Variants in EHBP1 observed in about 807,000 individuals in gnomAD.
EHBP1 encodes EH domain binding protein 1, also known as EH domain-binding protein 1.
A neutral mutation model predicts 144.0 loss-of-function variants in EHBP1; 55 were observed. That is an observed-to-expected ratio of 0.38 (90% CI 0.31 to 0.48). The LOEUF is 0.48. Among genes scored for constraint, EHBP1 ranks in the 20% least tolerant of loss-of-function variants. The probability of loss-of-function intolerance (pLI) is 0.98; values close to 1 mark genes in which losing one functional copy is unlikely to be tolerated. For synonymous variants in EHBP1, 469 were observed against 472.7 expected (o/e 0.99, Z 0.10); for missense variants, 1,200 against 1,364.2 (o/e 0.88, Z 1.90).
intron 10 of EHBP1, among the ~76,000 whole-genome samples, chr2:62,903,568 C>T (rs2053573097): frequency 6.6e-6 from 1 of 152,106 alleles, no homozygotes; most frequent in South Asian, 2.1e-4. Context: ...TTTGACTCCA[C>T]CTTGGGCAAC....
At chr2:62,839,248 T>G (rs1412344387) in intron 7 of EHBP1, among the ~76,000 whole-genome samples, 7 of 152,148 alleles carry the variant, frequency 4.6e-5, no homozygotes, top group African/African-American at 1.7e-4. Flanking sequence ...AACCCCATGA[T>G]TATCTCAATA....
chr2:62,761,812 C>G (rs2152309078), intron 3 of EHBP1, among the ~76,000 whole-genome samples: 1 of 152,242 alleles, frequency 6.6e-6, no homozygotes, highest in South Asian at 2.1e-4. Context: ...AAATATTTTT[C>G]TCTTCTTAAA....
At chr2:63,007,267 T>C (rs565470121) in intron 19 of EHBP1, among the ~76,000 whole-genome samples, 23 of 151,998 alleles carry the variant, frequency 1.5e-4, no homozygotes, top group Non-Finnish European at 2.8e-4. Flanking sequence ...CTGCCTGTTA[T>C]GTGTATTGCA....
chr2:62,934,829 A>T (rs1434099826), intron 10 of EHBP1, among the ~76,000 whole-genome samples: 1 of 152,156 alleles, frequency 6.6e-6, no homozygotes, highest in Non-Finnish European at 1.5e-5. Context: ...TTTTACAGTA[A>T]ATAATGTTGC....
At chr2:62,993,349 A>C (rs537384732) in intron 16 of EHBP1, among the ~76,000 whole-genome samples, 181 bp from the exon 17 acceptor site, 9 of 152,296 alleles carry the variant, frequency 5.9e-5, no homozygotes, top group Admixed American at 2.0e-4. Context: ...CATGTGTCCC[A>C]AAGTTTGTGA....
intron 10 of EHBP1, among the ~76,000 whole-genome samples, chr2:62,910,216 G>A (rs992415429): frequency 1.4e-4 from 22 of 152,162 alleles, no homozygotes. Context: ...AAACCAATGC[G>A]AGTTAGTGAA....
intron 19 of EHBP1, among the ~76,000 whole-genome samples, chr2:63,030,950 C>T (rs2061221775): frequency 6.6e-6 from 1 of 151,852 alleles, no homozygotes; most frequent in African/African-American, 2.4e-5. Flanking sequence ...CATGCGCCAC[C>T]ACACCCAGCT....
chr2:62,833,000 A>C (rs1357544922), intron 7 of EHBP1, among the ~76,000 whole-genome samples: 6 of 152,222 alleles, frequency 3.9e-5, no homozygotes. Context: ...GCAAAGAAAA[A>C]AATTCTAGAA....
chr2:62,987,474 C>A (rs1458478854), intron 15 of EHBP1, among the ~76,000 whole-genome samples: 1 of 152,030 alleles, frequency 6.6e-6, no homozygotes, highest in Non-Finnish European at 1.5e-5. Context: ...AGTATTTAAG[C>A]CTTCATGAAA....
intron 7 of EHBP1, chr2:62,858,614 G>A: frequency 1.4e-6 from 1 of 726,470 alleles, no homozygotes; most frequent in South Asian, 2.0e-5. Context: ...TTTTGTCTTT[G>A]TGCTTTTCCT....
chr2:62,990,594 TA>T, intron 15 of EHBP1, 121 bp from the exon 16 acceptor site: 1 of 1,026,104 alleles, frequency 9.7e-7, no homozygotes, highest in Non-Finnish European at 1.4e-6. Flanking sequence ...TCTAATCTAC[TA>T]ATATCCTTTT....
intron 10 of EHBP1, among the ~76,000 whole-genome samples, chr2:62,931,344 A>G (rs1336457542): frequency 6.6e-6 from 1 of 152,228 alleles, no homozygotes; most frequent in African/African-American, 2.4e-5. Context: ...ACCCATTAGG[A>G]TGGCTACTAT....
At chr2:62,900,272 AATG>A (rs1469019939) in intron 10 of EHBP1, among the ~76,000 whole-genome samples, 8 of 152,192 alleles carry the variant, frequency 5.3e-5, no homozygotes, top group African/African-American at 1.9e-4. Context: ...AGTGAAGGAA[AATG>A]ATGTTCACAG....
At chr2:62,731,988 G>A (rs2037643745) in intron 2 of EHBP1, among the ~76,000 whole-genome samples, 1 of 152,086 alleles carries the variant, frequency 6.6e-6, no homozygotes, top group Non-Finnish European at 1.5e-5. Context: ...AGAATTCTAG[G>A]TTGGTACATT....
At chr2:63,027,459 C>T (rs930407575) in intron 19 of EHBP1, among the ~76,000 whole-genome samples, 1 of 152,158 alleles carries the variant, frequency 6.6e-6, no homozygotes, top group Non-Finnish European at 1.5e-5. Flanking sequence ...CACTAATCAC[C>T]TGGCCTGGTC....
intron 5 of EHBP1, among the ~76,000 whole-genome samples, chr2:62,789,529 C>T (rs559965222): frequency 3.9e-4 from 60 of 151,986 alleles, no homozygotes; most frequent in African/African-American, 1.4e-3. Flanking sequence ...GTGCCTCAAA[C>T]GTGCACAACC....
intron 5 of EHBP1, among the ~76,000 whole-genome samples, chr2:62,782,057 C>T (rs1403401179): frequency 6.6e-6 from 1 of 152,108 alleles, no homozygotes; most frequent in East Asian, 1.9e-4. Flanking sequence ...GGCCTCAAAC[C>T]CATGTCTTCA....
At chr2:62,891,491 G>A (rs757655278) in intron 10 of EHBP1, among the ~76,000 whole-genome samples, 1 of 152,078 alleles carries the variant, frequency 6.6e-6, no homozygotes, top group Non-Finnish European at 1.5e-5. Context: ...GGAGCAACTG[G>A]ATATTGTAAA....
chr2:62,889,012 AAG>A (rs1271069202), intron 10 of EHBP1, among the ~76,000 whole-genome samples: 2 of 144,754 alleles, frequency 1.4e-5, no homozygotes, highest in Non-Finnish European at 3.0e-5. Context: ...AAACAAACCG[AAG>A]AGTGTCTTCA....
Sources: gnomAD v4.1 joint callset for allele counts (sites outside exome capture counted in the v4.1 genomes callset) on GRCh38, gnomAD v4.1.1 for gene constraint, MANE v1.5 for transcripts, NCBI Gene and HGNC (gene_info 2026-07-23, HGNC 2026-07-21) for gene names.